Variants in PHLDB3 observed in about 807,000 individuals in gnomAD.
PHLDB3 encodes pleckstrin homology like domain family B member 3, also known as pleckstrin homology-like domain family B member 3.
PHLDB3 carries 86 observed loss-of-function variants against 85.7 expected under a neutral mutation model. That is an observed-to-expected ratio of 1.00 (90% CI 0.84 to 1.20). The LOEUF is 1.20. PHLDB3 is among the 50% of genes most tolerant of loss of function. The pLI is 0.00. For synonymous variants in PHLDB3, 376 were observed against 349.8 expected, an observed-to-expected ratio of 1.07 and a Z score of -0.83; for missense variants, 995 against 873.0, an observed-to-expected ratio of 1.14 and a Z score of -1.76.
intron 15 of PHLDB3, among the ~76,000 whole-genome samples, chr19:43,476,579 C>T (rs576556265): frequency 5.9e-5 from 9 of 152,058 alleles, no homozygotes; most frequent in African/African-American, 2.2e-4. Flanking sequence ...AGGAGGATTG[C>T]TTGAGCCCGA....
chr19:43,502,008 A>T, intron 3 of PHLDB3, 93 bp downstream of exon 3: 1 of 1,500,020 alleles, frequency 6.7e-7, no homozygotes, highest in South Asian at 1.3e-5. Flanking sequence ...GAGGGCCTAA[A>T]ATCTGATCCC....
chr19:43,493,437 A>G (rs1019629629), intron 9 of PHLDB3, among the ~76,000 whole-genome samples: 20 of 152,120 alleles, frequency 1.3e-4, no homozygotes, highest in African/African-American at 4.3e-4. Context: ...AGGGTTCAAG[A>G]CCAGCTTGGG....
chr19:43,504,213 G>T, intron 1 of PHLDB3, 81 bp from the exon 2 acceptor site: 1 of 1,281,418 alleles, frequency 7.8e-7, no homozygotes, highest in Non-Finnish European at 1.0e-6. Flanking sequence ...CCGGGGCGCG[G>T]AGACCCCCCC....
In PHLDB3 at chr19:43,504,037, G is replaced by A; in HGVS notation, c.82C>T (p.His28Tyr). 2 of 1,613,868 alleles carry A rather than the reference G, an allele frequency of 1.2e-6. No individual in the cohort carries two copies. The highest frequency in any genetic ancestry group is 1.7e-6 in the Non-Finnish European group (2 of 1,179,794). The change falls in exon 2 of 16, where the codon CAT (histidine) becomes TAT (tyrosine). Residue 28 changes from histidine to tyrosine, a missense_variant. Transcript: ENST00000292140. ...TCCTGTTCCCGGGACTCCTCGGGAT[G>A]GCCCTGGGGCTGGACCTCCACGTCG... ...ECDVEVQPQG[H>Y]PEESREQEAS...
At chr19:43,498,023 C>G (rs1971505818) in intron 4 of PHLDB3, 147 bp from the exon 5 acceptor site, 5 of 1,242,296 alleles carry the variant, frequency 4.0e-6, no homozygotes, top group Admixed American at 2.9e-5. Flanking sequence ...GCCTGCCTCA[C>G]AGTCAGCACC....
intron 1 of PHLDB3, 29 bp from the exon 2 acceptor site, chr19:43,504,161 G>A (rs1372992645): frequency 1.2e-5 from 18 of 1,531,320 alleles, no homozygotes; most frequent in African/African-American, 6.9e-5. Context: ...CAGAAGCTCC[G>A]GGGGCGGGGC....
intron 15 of PHLDB3, among the ~76,000 whole-genome samples, chr19:43,477,536 G>T (rs1233404091): frequency 6.8e-6 from 1 of 146,722 alleles, no homozygotes; most frequent in Admixed American, 6.8e-5. Flanking sequence ...AAAGAGCCAC[G>T]TGTGGTGCGG....
intron 4 of PHLDB3, among the ~76,000 whole-genome samples, chr19:43,500,725 C>T (rs1308720589): frequency 6.6e-6 from 1 of 152,288 alleles, no homozygotes; most frequent in Non-Finnish European, 1.5e-5. Context: ...CAGCCTCTAC[C>T]TTCTGGGCTC....
intron 4 of PHLDB3, among the ~76,000 whole-genome samples, chr19:43,498,371 A>G (rs1024879380): frequency 6.6e-6 from 1 of 151,768 alleles, no homozygotes; most frequent in African/African-American, 2.4e-5. Flanking sequence ...CAGAAAAGAA[A>G]GAAAGAGAGA....
Position 43,486,269 on chromosome 19 carries a change from G to T in PHLDB3, c.1482C>A (p.Ile494=), listed in dbSNP as rs1431828798. Residue 494 remains isoleucine (I), a synonymous_variant, in exon 13 of 16, where the codon ATC becomes ATA. Coordinates refer to ENST00000292140, the MANE Select transcript of PHLDB3 (RefSeq NM_198850.4). The stretch of plus-strand genomic sequence containing the variant: ...TGAGGGCGGGGGTGGGACTGACCGT[G>T]ATGGCAGGAACAGCAGGGCCTGAGG... ...EGSSGPAVPA[I]TAPPTPPHPP... is the part of the protein sequence containing the mutation. The T allele has an allele frequency of 6.2e-7, 1 of 1,610,524 alleles. No individual in the cohort carries two copies. The highest frequency in any genetic ancestry group is 1.7e-5 in the Admixed American group (1 of 59,522).
At chr19:43,480,462 C>T (rs1213877481) in intron 13 of PHLDB3, among the ~76,000 whole-genome samples, 1 of 151,774 alleles carries the variant, frequency 6.6e-6, no homozygotes, top group Non-Finnish European at 1.5e-5. Context: ...CCTAGTGCTG[C>T]ACACCTGTAG....
At chr19:43,488,404 C>T (rs1256104484) in intron 9 of PHLDB3, among the ~76,000 whole-genome samples, 3 of 152,042 alleles carry the variant, frequency 2.0e-5, no homozygotes, top group Non-Finnish European at 4.4e-5. Context: ...TTGCAGGGAG[C>T]TGAGATTGTG....
At chr19:43,494,843 G>T in intron 8 of PHLDB3, 28 bp from the exon 9 acceptor site, 1 of 1,565,648 alleles carries the variant, frequency 6.4e-7, no homozygotes, top group South Asian at 1.2e-5. Flanking sequence ...AAGTTTCGTG[G>T]GAGCAGGAGA....
chr19:43,495,264 G>A lies in PHLDB3; in HGVS notation c.1027C>T (p.Leu343Phe). 6.2e-7 allele frequency: 1 copy of A among 1,613,744 alleles called. No homozygotes were observed. The highest frequency in any genetic ancestry group is 1.1e-5 in the South Asian group (1 of 91,012). ...ATACAAAATCCCCATACCTTAGTGA[G>A]GGCCGGGTTGGGCTCAGAGAAGTCC... Reference protein sequence around the residue: ...GGDFSEPNPALTKLLFTQKTD... With the variant: ...GGDFSEPNPAFTKLLFTQKTD... The change falls in exon 8 of 16, where the codon CTC becomes TTC. Residue 343 changes from leucine to phenylalanine, a missense_variant. Coordinates refer to ENST00000292140, the MANE Select transcript of PHLDB3 (RefSeq NM_198850.4).
chr19:43,501,700 C>T (rs1356352999), intron 4 of PHLDB3, 34 bp downstream of exon 4: 1 of 1,574,056 alleles, frequency 6.4e-7, no homozygotes, highest in Non-Finnish European at 8.6e-7. Context: ...CCAGGAAGGA[C>T]ACTGCTGATG....
intron 13 of PHLDB3, among the ~76,000 whole-genome samples, chr19:43,483,403 C>T (rs1241483884): frequency 6.6e-6 from 1 of 151,834 alleles, no homozygotes; most frequent in African/African-American, 2.4e-5. Context: ...AGCCTTTTCC[C>T]GAGTAGCTGG....
chr19:43,486,041 G>C, intron 13 of PHLDB3: 1 of 985,384 alleles, frequency 1.0e-6, no homozygotes, highest in Non-Finnish European at 1.2e-6. Context: ...AGGAAAATGA[G>C]GCAGAGTAGA....
chr19:43,486,498 G>T (rs558512342), intron 12 of PHLDB3, 111 bp downstream of exon 12: 11 of 1,363,576 alleles, frequency 8.1e-6, no homozygotes, highest in Middle Eastern at 2.4e-4. Context: ...TGGAGGGGCT[G>T]GGGGCCTGGA....
chr19:43,475,535 G>T lies in PHLDB3; in HGVS notation c.1798C>A (p.Pro600Thr), dbSNP rs1970909867. Residue 600 changes from proline (P) to threonine (T), a missense_variant, in exon 16 of 16, where the codon CCC becomes ACC. By Grantham distance (38) the Pro-to-Thr change is conservative (BLOSUM62 -1). Coordinates refer to ENST00000292140, the MANE Select transcript of PHLDB3 (RefSeq NM_198850.4). ...GTTTTGACGCAGAAGGTCAGGCGGG[G>T]GTTGGGGCTCTGGAATAAGCAGAAA... ...HLRCAFKSPNPRLTFCVKTYE... is the reference protein window; with the variant it reads ...HLRCAFKSPNTRLTFCVKTYE... The T allele has an allele frequency of 2.5e-6, 4 of 1,613,920 alleles. No homozygotes were observed. Among genetic ancestry groups the T allele is most frequent in the Non-Finnish European group, 2.5e-6 (3 of 1,179,870 alleles).
Sources: gnomAD v4.1 joint callset for allele counts (sites outside exome capture counted in the v4.1 genomes callset) on GRCh38, gnomAD v4.1.1 for gene constraint, MANE v1.5 for transcripts, NCBI Gene and HGNC (gene_info 2026-07-23, HGNC 2026-07-21) for gene names.